The following PWWP2A variants were observed in gnomAD, a reference collection of about 807,000 sequenced individuals.
PWWP2A encodes the protein PWWP domain containing 2A.
In PWWP2A, 18 loss-of-function variants were observed where a neutral mutation model predicts 48.5. The observed-to-expected ratio is 0.37, with a 90% CI of 0.26 to 0.55. The LOEUF is 0.55. Ranked by LOEUF, PWWP2A falls within the 20% of genes least tolerant of loss-of-function variation. The pLI is 0.81. For missense variants in PWWP2A, 867 were observed against 976.4 expected (o/e 0.89, Z 1.49); for synonymous variants, 396 against 387.7 (o/e 1.02, Z -0.25).
downstream of PWWP2A, chr5:160,089,696 CT>C: frequency 1.6e-6 from 2 of 1,269,786 alleles, no homozygotes; most frequent in Non-Finnish European, 2.0e-6. Context: ...TTTCACAACT[CT>C]TCCTTCACTT....
rs1211573619 is a variant in PWWP2A, at chr5:160,092,519, G to C, written c.2131C>G (p.Pro711Ala). 6.4e-7 allele frequency: 1 copy of C among 1,551,656 alleles called. No homozygotes were observed. Among genetic ancestry groups the C allele is most frequent in the Non-Finnish European group, 8.7e-7 (1 of 1,146,988 alleles). ...TSFLALSQLS[P>A]FLENFQSRFN... Reference sequence around the variant, plus strand: ...CGTGACTGGAAGTTTTCTAAAAAGGGGGAGAGTTGTGAAAGAGCAAGGAAA... The same window carrying C: ...CGTGACTGGAAGTTTTCTAAAAAGGCGGAGAGTTGTGAAAGAGCAAGGAAA... The change falls in exon 2 of 2, where the codon CCC becomes GCC. Residue 711 changes from proline to alanine, a missense_variant. By Grantham distance (27) the Pro-to-Ala change is conservative (BLOSUM62 -1). Around this residue, in one of 4 missense-constraint regions of PWWP2A, gnomAD observed 97 missense variants for 151.7 expected, o/e 0.64. Coordinates refer to ENST00000307063, the MANE Select transcript of PWWP2A (RefSeq NM_001130864.2).
chr5:160,111,287 C>A (rs539186200), intron 1 of PWWP2A, among the ~76,000 whole-genome samples: 33 of 152,294 alleles, frequency 2.2e-4, no homozygotes, highest in South Asian at 8.3e-4. Context: ...CCTGTCTCAG[C>A]CTCCCAAGTA....
rs1047514788 is a variant in PWWP2A at position 160,119,367 on chromosome 5, C to T, written c.22G>A (p.Ala8Thr). Residue 8 changes from alanine to threonine, a missense_variant, in exon 1 of 2, where the codon GCG becomes ACG. Physicochemically the swap from Ala to Thr is moderately conservative, Grantham distance 58. Around this residue, in one of 4 missense-constraint regions of PWWP2A, gnomAD observed 385 missense variants for 396.9 expected, o/e 0.97. Coordinates refer to ENST00000307063, the MANE Select transcript of PWWP2A (RefSeq NM_001130864.2). MAAVAAE[A>T]AATAASPGEG... ...CCGGGGGACGCTGCAGTCGCTGCCG[C>T]CTCTGCAGCCACGGCCGCCATTTTC... 2.9e-6 allele frequency: 4 copies of T among 1,375,368 alleles called. No homozygotes were observed. Among genetic ancestry groups the T allele is most frequent in the Non-Finnish European group, 3.7e-6 (4 of 1,072,140 alleles). The allele number at this position is 1,375,368 out of a possible 1,614,324, so 85.2% of individuals were successfully genotyped here.
chr5:160,045,518 ACACTCTCTCTCTCT>A, the PWWP2A span, among the ~76,000 whole-genome samples: 14 of 65,724 alleles, frequency 2.1e-4, no homozygotes, highest in African/African-American at 1.1e-3. Context: ...ACACACATAC[ACACTCTCTCTCTCT>A]CTCTCTCTCT....
intron 1 of PWWP2A, among the ~76,000 whole-genome samples, chr5:160,115,007 T>A (rs1289915163): frequency 2.0e-5 from 3 of 151,510 alleles, no homozygotes; most frequent in East Asian, 1.9e-4. Flanking sequence ...CGTGCTGGCA[T>A]GTGTCTGTAG....
downstream of PWWP2A, among the ~76,000 whole-genome samples, chr5:160,086,578 C>T (rs984820008): frequency 2.3e-4 from 35 of 151,760 alleles, no homozygotes; most frequent in African/African-American, 8.2e-4. Flanking sequence ...ACCAAGTTTG[C>T]TATTGGTGTG....
downstream of PWWP2A, among the ~76,000 whole-genome samples, chr5:160,089,073 G>GTACT (rs1264344128): frequency 6.6e-6 from 1 of 152,132 alleles, no homozygotes; most frequent in South Asian, 2.1e-4. Context: ...ATTCAACTTA[G>GTACT]TACTAATCTA....
intron 2 of PWWP2A, among the ~76,000 whole-genome samples, chr5:160,085,169 C>CA (rs1754532168): frequency 6.6e-6 from 1 of 151,898 alleles, no homozygotes; most frequent in South Asian, 2.1e-4. Flanking sequence ...GCTGGGACTA[C>CA]AGGCACCCAC....
In PWWP2A at chr5:160,085,065, G is replaced by A. The variant is rs1239567862; in HGVS notation, c.1550-4295C>T. 2.0e-5 allele frequency among the ~76,000 whole-genome samples: 3 copies of A among 152,184 alleles called. No homozygotes were observed. In the East Asian group the frequency reaches 5.8e-4, roughly 29 times the overall value. On this transcript the variant is annotated intron_variant, in intron 2 of 3. Coordinates refer to the PWWP2A transcript ENST00000456329. ...TTATTTAGAGATGGAGTTTCACTCT[G>A]TTACCCAGGCTGGAGTGTGGTGGCA...
Position 160,095,725 on chromosome 5 carries a change from ACT to A in PWWP2A, c.585-1662_585-1661del, listed in dbSNP as rs144272330. On this transcript the variant is annotated intron_variant, in intron 1 of 1. Transcript: ENST00000307063. ...TTTTTTTTTTTAAAGACAAGATCTC[ACT>A]CTGTCATCCAGGCTGCAGTGCAAGT... is the stretch of plus-strand genomic sequence containing the variant. Among the ~76,000 whole-genome samples the A allele has an allele frequency of 9.5e-3, 1,227 of 128,896 alleles. 11 individuals are homozygous for A. The highest frequency in any genetic ancestry group is 0.026 in the Middle Eastern group (6 of 230). 84.6% of individuals were successfully genotyped at this position (128,896 alleles called of 152,430 possible).
chr5:160,118,899 C>A lies in PWWP2A; in HGVS notation c.490G>T (p.Val164Phe). The change falls in exon 1 of 2, where the codon GTC becomes TTC. Residue 164 changes from valine to phenylalanine, a missense_variant. This residue lies in a region of PWWP2A where 385 missense variants were observed against 396.9 expected (regional missense o/e 0.97). Coordinates refer to ENST00000307063, the MANE Select transcript of PWWP2A (RefSeq NM_001130864.2). ...TCCTCAATGATGTGGTCCAGCGTGA[C>A]CCGCACCTCCGAGCCCGGGATCAGT... ...SQLIPGSEVR[V>F]TLDHIIEDAL... 1 of 1,602,072 alleles carries A rather than the reference C, an allele frequency of 6.2e-7. No homozygotes were observed. Among genetic ancestry groups the A allele is most frequent in the Non-Finnish European group, 8.5e-7 (1 of 1,175,246 alleles).
the PWWP2A span, among the ~76,000 whole-genome samples, chr5:160,052,252 C>T: frequency 3.9e-5 from 6 of 152,032 alleles, no homozygotes; most frequent in Non-Finnish European, 8.8e-5. Context: ...TCCTGTAATC[C>T]CAGCACTTTA....
chr5:160,110,623 T>G (rs1413695996), intron 1 of PWWP2A, among the ~76,000 whole-genome samples: 1 of 152,014 alleles, frequency 6.6e-6, no homozygotes, highest in Non-Finnish European at 1.5e-5. Flanking sequence ...GGAGAATTAC[T>G]TGAACCCAGG....
intron 1 of PWWP2A, among the ~76,000 whole-genome samples, chr5:160,112,866 T>G (rs185790166): frequency 2.3e-4 from 35 of 152,186 alleles, no homozygotes; most frequent in Admixed American, 1.2e-3. Flanking sequence ...ATATTAGAAA[T>G]TAAAGCCCAG....
chr5:160,097,371 GCA>G (rs1387528665), intron 1 of PWWP2A, among the ~76,000 whole-genome samples: 1 of 136,044 alleles, frequency 7.4e-6, no homozygotes, highest in African/African-American at 2.8e-5. Context: ...AAAAGGCCAG[GCA>G]CAGTGGCTCA....
chr5:160,094,965 G>A (rs1373108047), intron 1 of PWWP2A, among the ~76,000 whole-genome samples: 3 of 135,910 alleles, frequency 2.2e-5, no homozygotes, highest in African/African-American at 8.1e-5. Context: ...GGAGAATGGC[G>A]TGAACCCAAG....
the PWWP2A span, among the ~76,000 whole-genome samples, chr5:160,053,191 A>G: frequency 2.7e-4 from 41 of 152,262 alleles, no homozygotes; most frequent in African/African-American, 9.4e-4. Context: ...AATTAATATC[A>G]CTTAGAAGTT....
At chr5:160,096,080 C>G (rs957481408) in intron 1 of PWWP2A, among the ~76,000 whole-genome samples, 9 of 152,116 alleles carry the variant, frequency 5.9e-5, no homozygotes, top group Non-Finnish European at 1.3e-4. Flanking sequence ...CAAACCTAAA[C>G]GTGGGCAGGA....
At chr5:160,074,562 C>A (rs1456873864), downstream of PWWP2A, among the ~76,000 whole-genome samples, 1 of 151,892 alleles carries the variant, frequency 6.6e-6, no homozygotes, top group Non-Finnish European at 1.5e-5. Context: ...GCCTGACCAA[C>A]AGGGAGAAAC....
Sources: gnomAD v4.1 joint callset for allele counts (sites outside exome capture counted in the v4.1 genomes callset) on GRCh38, gnomAD v4.1.1 for gene constraint, gnomAD v4.1.1 regional missense constraint, MANE v1.5 for transcripts, NCBI Gene and HGNC (gene_info 2026-07-23, HGNC 2026-07-21) for gene names.